FGF12: variants seen among roughly 807,000 people sequenced by gnomAD.
FGF12 encodes fibroblast growth factor 12.
Under a neutral mutation model 23.6 loss-of-function variants are expected in FGF12, and 14 were observed. The ratio of observed to expected loss-of-function variants is 0.59; its 90% CI spans 0.39 to 0.93. The LOEUF is 0.93. Among genes scored for constraint, FGF12 ranks in the 40% least tolerant of loss-of-function variants. FGF12 has a pLI of 0.00. For missense variants in FGF12, 175 were observed against 217.8 expected (o/e 0.80, Z 1.24); for synonymous variants, 62 against 77.3 (o/e 0.80, Z 1.04).
intron 2 of FGF12, among the ~76,000 whole-genome samples, chr3:192,571,911 G>T (rs572902740): frequency 6.6e-6 from 1 of 151,524 alleles, no homozygotes; most frequent in East Asian, 1.9e-4. Flanking sequence ...ACTTTCTGAG[G>T]GTCCATATAG....
chr3:192,300,904 G>T (rs1209602932), intron 4 of FGF12, among the ~76,000 whole-genome samples: 1 of 152,032 alleles, frequency 6.6e-6, no homozygotes, highest in Non-Finnish European at 1.5e-5. Flanking sequence ...TGTTACCCCA[G>T]CTACTTGGGA....
At chr3:192,222,934 G>C (rs1206728603) in intron 4 of FGF12, among the ~76,000 whole-genome samples, 2 of 152,066 alleles carry the variant, frequency 1.3e-5, no homozygotes, top group Non-Finnish European at 2.9e-5. Flanking sequence ...TCTCCATCAG[G>C]ATGCAGTTGA....
chr3:192,528,295 C>T (rs945874506), intron 2 of FGF12, among the ~76,000 whole-genome samples: 4 of 152,134 alleles, frequency 2.6e-5, no homozygotes, highest in African/African-American at 4.8e-5. Flanking sequence ...CATGTAAGTC[C>T]GAAATCCAGT....
At chr3:192,291,523 C>T (rs1421947935) in intron 4 of FGF12, among the ~76,000 whole-genome samples, 1 of 151,678 alleles carries the variant, frequency 6.6e-6, no homozygotes, top group African/African-American at 2.4e-5. Context: ...GTCGAGGTTG[C>T]AGTGAGCCAA....
intron 2 of FGF12, among the ~76,000 whole-genome samples, chr3:192,692,164 T>C (rs866654611): frequency 1.3e-5 from 2 of 152,312 alleles, no homozygotes; most frequent in South Asian, 4.1e-4. Context: ...ACCCATTTTA[T>C]GAGGCCACTA....
chr3:192,405,246 T>G (rs1371398302), intron 2 of FGF12, among the ~76,000 whole-genome samples: 1 of 151,170 alleles, frequency 6.6e-6, no homozygotes, highest in Admixed American at 6.6e-5. Context: ...GTTACTGTCA[T>G]TTTAAATCTG....
chr3:192,272,558 C>A (rs566324921), intron 4 of FGF12, among the ~76,000 whole-genome samples: 2 of 152,252 alleles, frequency 1.3e-5, no homozygotes, highest in African/African-American at 2.4e-5. Flanking sequence ...GAGAAGGGGG[C>A]TCTATGACTA....
At chr3:192,455,903 G>A (rs1014032027) in intron 2 of FGF12, among the ~76,000 whole-genome samples, 8 of 152,148 alleles carry the variant, frequency 5.3e-5, no homozygotes, top group Non-Finnish European at 8.8e-5. Context: ...TCATAAAGAT[G>A]AAAACATACT....
chr3:192,624,657 C>T (rs1715098872), intron 2 of FGF12, among the ~76,000 whole-genome samples: 1 of 152,062 alleles, frequency 6.6e-6, no homozygotes, highest in Admixed American at 6.6e-5. Flanking sequence ...TGTTAAAGGA[C>T]TATATTAGGA....
chr3:192,185,328 A>G (rs1048406469), intron 4 of FGF12, among the ~76,000 whole-genome samples: 4 of 152,202 alleles, frequency 2.6e-5, no homozygotes, highest in African/African-American at 7.2e-5. Context: ...GGCATCTGAC[A>G]CCCAGTAGCT....
In FGF12 at chr3:192,377,966, T is replaced by TAAA; in HGVS notation, c.14-17429_14-17428insTTT. ...TAGAACCCTAGTGCAGGAAAAAATGTCTTTTCTGGTATTACGCATTGATCA... is the reference window on the plus strand; with the variant it reads ...TAGAACCCTAGTGCAGGAAAAAATGTAAACTTTTCTGGTATTACGCATTGATCA... On this transcript the variant is annotated intron_variant, in intron 2 of 5. Coordinates refer to ENST00000445105, the MANE Select transcript of FGF12 (RefSeq NM_004113.6). Among the ~76,000 whole-genome samples the TAAA allele has an allele frequency of 2.3e-3, 347 of 151,258 alleles. 16 individuals are homozygous for TAAA. The highest frequency in any genetic ancestry group is 8.0e-3 in the African/African-American group (326 of 40,546).
At chr3:192,310,536 G>T (rs1715879544) in intron 4 of FGF12, among the ~76,000 whole-genome samples, 1 of 152,112 alleles carries the variant, frequency 6.6e-6, no homozygotes, top group Admixed American at 6.5e-5. Flanking sequence ...GTACATTGCA[G>T]AATTGATACA....
At chr3:192,529,056 T>C (rs192422028) in intron 2 of FGF12, among the ~76,000 whole-genome samples, 13 of 152,358 alleles carry the variant, frequency 8.5e-5, no homozygotes, top group Non-Finnish European at 1.8e-4. Context: ...TGCAAATGTA[T>C]GCAGTCAGCT....
intron 2 of FGF12, among the ~76,000 whole-genome samples, chr3:192,603,098 G>T (rs1714183760): frequency 6.6e-6 from 1 of 152,048 alleles, no homozygotes; most frequent in Non-Finnish European, 1.5e-5. Context: ...GGTAAAAGTT[G>T]GAAGCATTCC....
chr3:192,333,543 T>G (rs1402850880), intron 4 of FGF12, among the ~76,000 whole-genome samples: 1 of 152,124 alleles, frequency 6.6e-6, no homozygotes, highest in African/African-American at 2.4e-5. Context: ...ATTGTTATTT[T>G]AAGCAGAAAC....
At chr3:192,462,811 A>T (rs565972623) in intron 2 of FGF12, among the ~76,000 whole-genome samples, 1 of 152,310 alleles carries the variant, frequency 6.6e-6, no homozygotes, top group South Asian at 2.1e-4. Context: ...TATGATAATG[A>T]TATATATTAA....
rs1713555554 is a variant in FGF12 at position 192,144,035 on chromosome 3, T to C, written c.520A>G (p.Lys174Glu). 8 of 1,612,316 alleles carry C rather than the reference T, an allele frequency of 5.0e-6. No homozygotes were observed. The highest frequency in any genetic ancestry group is 6.8e-6 in the Non-Finnish European group (8 of 1,178,388). ...TATGTTGAATCTTGATTCACAACTTTGCCTCCATTCATGGTTGGTGTTCCA... is the reference window on the plus strand; with the variant it reads ...TATGTTGAATCTTGATTCACAACTTCGCCTCCATTCATGGTTGGTGTTCCA... The part of the protein sequence containing the change: ...SSGTPTMNGG[K>E]VVNQDST Residue 174 changes from lysine to glutamate, a missense_variant, in exon 6 of 6, where the codon AAA (lysine) becomes GAA (glutamate). Transcript: ENST00000445105.
intron 2 of FGF12, among the ~76,000 whole-genome samples, chr3:192,511,124 GTAAA>G (rs1385785836): frequency 6.6e-6 from 1 of 152,070 alleles, no homozygotes; most frequent in Non-Finnish European, 1.5e-5. Context: ...AAGCCCCTGA[GTAAA>G]TAACGCAGAA....
chr3:192,344,969 C>A (rs977076481), intron 3 of FGF12, among the ~76,000 whole-genome samples: 5 of 152,172 alleles, frequency 3.3e-5, no homozygotes, highest in African/African-American at 1.2e-4. Context: ...CTGAAGAATT[C>A]AGTGAACAGC....
Sources: allele counts gnomAD v4.1 joint callset (sites outside exome capture counted in the v4.1 genomes callset), GRCh38; gene constraint gnomAD v4.1.1; transcripts MANE v1.5; gene names NCBI Gene and HGNC (gene_info 2026-07-23, HGNC 2026-07-21).